Variants in RUNX3 observed in about 807,000 individuals in gnomAD.
RUNX3 encodes the protein runt-related transcription factor 3.
RUNX3 carries 10 observed loss-of-function variants against 27.7 expected under a neutral mutation model. The observed-to-expected ratio is 0.36, with a 90% CI of 0.22 to 0.61. The LOEUF is 0.61. Ranked by LOEUF, RUNX3 falls within the 20% of genes least tolerant of loss-of-function variation. RUNX3 has a pLI of 0.72. For synonymous variants in RUNX3, 270 were observed against 269.2 expected (o/e 1.00, Z -0.03); for missense variants, 469 against 629.5 (o/e 0.75, Z 2.73).
At position 24,904,368 on chromosome 1, in the gene RUNX3, A is replaced by T. The variant is rs974649166; in HGVS notation, c.704-1702T>A. ...ACTCTGGCCCTGGGCGTGGATCCGA[A>T]CGGAGTGATGCTCCTGGCTTAAGGT... On this transcript the variant is annotated intron_variant, in intron 4 of 4. Coordinates refer to ENST00000308873, the MANE Select transcript of RUNX3 (RefSeq NM_004350.3). This position sits in a 1 kb window ranked among gnomAD's most constrained non-coding sequence, Gnocchi z 5.7. Among the ~76,000 whole-genome samples the T allele has an allele frequency of 2.0e-5, 3 of 152,144 alleles. No individual in the cohort carries two copies. Among genetic ancestry groups the T allele is most frequent in the Non-Finnish European group, 4.4e-5 (3 of 68,028 alleles).
In RUNX3 at chr1:24,902,319, T is replaced by C. The variant is rs1640573610; in HGVS notation, c.1051A>G (p.Ser351Gly). Reference protein sequence around the residue: ...YQFSMVAGSSSGGDRSPTRML... With the variant: ...YQFSMVAGSSGGGDRSPTRML... ...CGGGTAGGTGAGCGGTCGCCCCCAC[T>C]GCTGCTGCCGGCCACCATGGAGAAC... The change falls in exon 5 of 5, where the codon AGT becomes GGT. Residue 351 changes from serine (S) to glycine (G), a missense_variant. Around this residue, in one of 3 missense-constraint regions of RUNX3, gnomAD observed 279 missense variants for 343.0 expected, o/e 0.81. Coordinates refer to ENST00000308873, the MANE Select transcript of RUNX3 (RefSeq NM_004350.3). This position sits in a 1 kb window ranked among gnomAD's most constrained non-coding sequence, Gnocchi z 9.2. 6.2e-7 allele frequency: 1 copy of C among 1,609,162 alleles called. No homozygotes were observed. The highest frequency in any genetic ancestry group is 1.3e-5 in the African/African-American group (1 of 74,904).
chr1:24,906,135 G>A (rs116547122), intron 4 of RUNX3, among the ~76,000 whole-genome samples: 387 of 152,306 alleles, frequency 2.5e-3, no homozygotes, highest in African/African-American at 9.0e-3. Context: ...AGACCCAGTC[G>A]GCCCCCACCT....
At chr1:24,932,963 C>G (rs137890572), upstream of RUNX3, among the ~76,000 whole-genome samples, 3 of 152,342 alleles carry the variant, frequency 2.0e-5, no homozygotes, top group Non-Finnish European at 4.4e-5. Flanking sequence ...GCTGGGTAAA[C>G]CCAGAACCCA....
chr1:24,932,483 G>C (rs975722968), upstream of RUNX3, among the ~76,000 whole-genome samples: 60 of 152,114 alleles, frequency 3.9e-4, 1 homozygote, highest in Non-Finnish European at 8.5e-4. Flanking sequence ...CGCCAGCTGC[G>C]GCCCCGGGTG....
intron 2 of RUNX3, among the ~76,000 whole-genome samples, chr1:24,953,679 T>C (rs1641837771): frequency 6.6e-6 from 1 of 152,166 alleles, no homozygotes; most frequent in East Asian, 1.9e-4. Context: ...CTAACACCTA[T>C]ACAGGTTGAT....
chr1:24,928,076 A>T (rs2124302989), intron 1 of RUNX3, among the ~76,000 whole-genome samples: 1 of 152,320 alleles, frequency 6.6e-6, no homozygotes, highest in South Asian at 2.1e-4. Flanking sequence ...CTTCGGCTGC[A>T]GCGAAAGAGG....
chr1:24,907,746 T>C lies in RUNX3; in HGVS notation c.545-329A>G, dbSNP rs1557836910. Among the ~76,000 whole-genome samples, 3 of 150,896 alleles carry C rather than the reference T, an allele frequency of 2.0e-5. No individual in the cohort carries two copies. The East Asian group carries it at 5.9e-4, about 30-fold the overall frequency. ...TCTAAACCTCTACAACACACTGTGA[T>C]GTAAACCTCTACAACACGCGGTGAT... On this transcript the variant is annotated intron_variant, in intron 3 of 4. Coordinates refer to ENST00000308873, the MANE Select transcript of RUNX3 (RefSeq NM_004350.3).
At chr1:24,935,462 C>T (rs1285060493) in intron 2 of RUNX3, among the ~76,000 whole-genome samples, 1 of 152,220 alleles carries the variant, frequency 6.6e-6, no homozygotes, top group Non-Finnish European at 1.5e-5. Context: ...CCATCCCCAC[C>T]CTGTTCTGCA....
At chr1:24,942,578 G>A (rs1260395868) in intron 2 of RUNX3, among the ~76,000 whole-genome samples, 1 of 152,108 alleles carries the variant, frequency 6.6e-6, no homozygotes. Context: ...GACCCAGGAA[G>A]GGAGAAGGGG....
intron 2 of RUNX3, among the ~76,000 whole-genome samples, chr1:24,941,273 G>C (rs562162561): frequency 2.0e-5 from 3 of 152,248 alleles, no homozygotes; most frequent in Admixed American, 1.3e-4. Context: ...GTGTCAGTGG[G>C]CCCACTTTAC....
chr1:24,940,781 G>T (rs1275373683), intron 2 of RUNX3, among the ~76,000 whole-genome samples: 1 of 151,646 alleles, frequency 6.6e-6, no homozygotes, highest in African/African-American at 2.4e-5. Context: ...CTTGCCACCT[G>T]TGATGAGTAG....
intron 2 of RUNX3, among the ~76,000 whole-genome samples, chr1:24,937,660 C>T (rs1277561223): frequency 6.6e-6 from 1 of 152,186 alleles, no homozygotes; most frequent in Non-Finnish European, 1.5e-5. Context: ...TCACCATGCC[C>T]AGGGGGATGG....
intron 2 of RUNX3, among the ~76,000 whole-genome samples, chr1:24,920,213 A>G (rs899498959): frequency 6.8e-6 from 1 of 147,300 alleles, no homozygotes; most frequent in Non-Finnish European, 1.5e-5. Flanking sequence ...TTAAAATACT[A>G]CTTTTTTTTT....
chr1:24,937,139 G>A (rs1198536065), intron 2 of RUNX3, among the ~76,000 whole-genome samples: 1 of 152,192 alleles, frequency 6.6e-6, no homozygotes, highest in African/African-American at 2.4e-5. Flanking sequence ...CCCCAGTGTG[G>A]TGGGGGAAGC....
intron 3 of RUNX3, among the ~76,000 whole-genome samples, chr1:24,918,519 A>G (rs1640932128): frequency 6.6e-6 from 1 of 152,156 alleles, no homozygotes; most frequent in Admixed American, 6.5e-5. Flanking sequence ...CAAGCTGAAA[A>G]TGCCTTGGGG....
Position 24,902,234 on chromosome 1 carries a change from G to T in RUNX3, c.1136C>A (p.Pro379His), listed in dbSNP as rs1640569828. Residue 379 changes from proline (P) to histidine (H), a missense_variant, in exon 5 of 5, where the codon CCC (proline) becomes CAC (histidine). Transcript: ENST00000308873. This position sits in a 1 kb window ranked among gnomAD's most constrained non-coding sequence, Gnocchi z 9.2. The stretch of plus-strand genomic sequence containing the variant: ...GCCATCACTCTGGCCGCCCAGGCTG[G>T]GGTTCATGAGGTTGCCGGCGGCGAC... ...ASVAAGNLMN[P>H]SLGGQSDGVE... is the part of the protein sequence containing the mutation. 5.1e-6 allele frequency: 8 copies of T among 1,577,574 alleles called. No individual in the cohort carries two copies. In the East Asian group the frequency reaches 1.8e-4, roughly 36 times the overall value.
intron 2 of RUNX3, among the ~76,000 whole-genome samples, chr1:24,947,729 C>A (rs1434104262): frequency 2.0e-5 from 3 of 152,238 alleles, no homozygotes; most frequent in African/African-American, 7.2e-5. Context: ...TCCCCACAAC[C>A]CAGAGAGCTA....
chr1:24,931,981 C>G (rs1332733566), upstream of RUNX3, among the ~76,000 whole-genome samples: 1 of 152,250 alleles, frequency 6.6e-6, no homozygotes, highest in Non-Finnish European at 1.5e-5. Context: ...CTGGGCGCTC[C>G]CACCTCCGGG....
rs1036254468 is a variant in RUNX3, at chr1:24,927,857, T to A, written c.283-127A>T. ...CCAGGCACACTGAGTATTTCTCCAATGCAGGGTGGAGAAGAGGCTTAAAAA... is the reference window on the plus strand; with the variant it reads ...CCAGGCACACTGAGTATTTCTCCAAAGCAGGGTGGAGAAGAGGCTTAAAAA... On this transcript the variant is annotated intron_variant, in intron 1 of 4. Transcript: ENST00000308873. The surrounding 1 kb of genome is among the most constrained non-coding windows in gnomAD (Gnocchi z 5.0). 3 of 761,978 alleles carry A rather than the reference T, an allele frequency of 3.9e-6. No homozygotes were observed. The highest frequency in any genetic ancestry group is 3.4e-5 in the South Asian group (2 of 58,494). 47.2% of individuals were successfully genotyped at this position (761,978 alleles called of 1,614,324 possible).
Sources: gnomAD v4.1 joint callset for allele counts (sites outside exome capture counted in the v4.1 genomes callset) on GRCh38, gnomAD v4.1.1 for gene constraint, gnomAD v4.1.1 regional missense constraint, Gnocchi (gnomAD v3.1) non-coding constraint, MANE v1.5 for transcripts, NCBI Gene and HGNC (gene_info 2026-07-23, HGNC 2026-07-21) for gene names.